Variants in ARHGAP42 observed in about 807,000 individuals in gnomAD.
ARHGAP42 encodes Rho GTPase activating protein 42, also known as rho GTPase-activating protein 42.
ARHGAP42 carries 63 observed loss-of-function variants against 125.0 expected under a neutral mutation model. That is an observed-to-expected ratio of 0.50 (90% confidence interval 0.41 to 0.62). The LOEUF is 0.62. Ranked by LOEUF, ARHGAP42 falls within the 20% of genes least tolerant of loss-of-function variation. The pLI is 0.00. For missense variants in ARHGAP42, 766 were observed against 1,024.2 expected (o/e 0.75, Z 3.44); for synonymous variants, 339 against 351.0 (o/e 0.97, Z 0.38).
intron 5 of ARHGAP42, among the ~76,000 whole-genome samples, chr11:100,918,869 G>C (rs1008749799): frequency 1.3e-5 from 2 of 152,020 alleles, no homozygotes; most frequent in Admixed American, 1.3e-4. Context: ...TTTTTGGAGG[G>C]GGGCAAGTGG....
intron 1 of ARHGAP42, among the ~76,000 whole-genome samples, chr11:100,749,072 C>T (rs527924301): frequency 6.6e-6 from 1 of 152,104 alleles, no homozygotes; most frequent in Non-Finnish European, 1.5e-5. Flanking sequence ...CTGCTGTTCT[C>T]CCCTCTCCTT....
chr11:100,723,715 A>C (rs1861805078), intron 1 of ARHGAP42, among the ~76,000 whole-genome samples: 2 of 152,114 alleles, frequency 1.3e-5, no homozygotes, highest in East Asian at 3.8e-4. Context: ...TGTAAACAAA[A>C]ACTTTTTTTT....
At position 100,897,717 on chromosome 11, in the gene ARHGAP42, T is replaced by C. The variant is rs1174381300; in HGVS notation, c.385-15735T>C. ...TATCCTGAGACTTTGCTGAAGTTGC[T>C]TATCAGCTTAAGGAGATTTGAGGCT... is the stretch of plus-strand genomic sequence containing the variant. On this transcript the variant is annotated intron_variant, in intron 4 of 23. Coordinates refer to ENST00000298815, the MANE Select transcript of ARHGAP42 (RefSeq NM_152432.4). Among the ~76,000 whole-genome samples, 4 of 152,348 alleles carry C rather than the reference T, an allele frequency of 2.6e-5. No individual in the cohort carries two copies. The South Asian group carries it at 6.2e-4, about 24-fold the overall frequency.
In ARHGAP42 at chr11:100,687,364, T is replaced by G. The variant is rs2120153263; in HGVS notation, c.-315T>G. 6.6e-6 allele frequency among the ~76,000 whole-genome samples: 1 copy of G among 152,146 alleles called. No individual in the cohort carries two copies. The highest frequency in any genetic ancestry group is 2.4e-5 in the African/African-American group (1 of 41,538). On this transcript the variant is annotated 5_prime_UTR_variant, in exon 1 of 24. Transcript: ENST00000298815. The stretch of plus-strand genomic sequence containing the variant: ...CTGCGCGCCGTGAGAGAAACTTTCC[T>G]GCTCCGGCCGCGGCCCGGAGCCTCG...
chr11:100,758,061 C>G (rs918759814), intron 1 of ARHGAP42, among the ~76,000 whole-genome samples: 3 of 152,192 alleles, frequency 2.0e-5, no homozygotes, highest in African/African-American at 7.2e-5. Context: ...TAAACACTTT[C>G]ATTTGATCAA....
chr11:100,948,536 G>T lies in ARHGAP42; in HGVS notation c.1122+1G>T, dbSNP rs2135281714. The T allele has an allele frequency of 1.9e-6, 3 of 1,546,958 alleles. No individual in the cohort carries two copies. The highest frequency in any genetic ancestry group is 2.6e-6 in the Non-Finnish European group (3 of 1,143,968). On this transcript the variant is annotated splice_donor_variant, in intron 11 of 23. Coordinates refer to ENST00000298815, the MANE Select transcript of ARHGAP42 (RefSeq NM_152432.4). LOFTEE classifies it high-confidence loss of function. ...TGAAGCCATGGATGGGAAGGAACCG[G>T]TAAGACTATGACACATTCTATAATT...
At chr11:100,726,160 G>A (rs541581495) in intron 1 of ARHGAP42, among the ~76,000 whole-genome samples, 1 of 151,640 alleles carries the variant, frequency 6.6e-6, no homozygotes, top group South Asian at 2.1e-4. Context: ...AGGTTGTAAT[G>A]TTATATTACA....
At chr11:100,919,797 C>A (rs935504615) in intron 5 of ARHGAP42, among the ~76,000 whole-genome samples, 31 of 152,152 alleles carry the variant, frequency 2.0e-4, no homozygotes, top group African/African-American at 7.5e-4. Flanking sequence ...CCCTTTCACC[C>A]AGTAGTGTGC....
chr11:100,775,283 C>A (rs762764864), intron 2 of ARHGAP42, among the ~76,000 whole-genome samples: 29 of 152,010 alleles, frequency 1.9e-4, no homozygotes, highest in Non-Finnish European at 3.2e-4. Context: ...GCTAGACACG[C>A]GGGGCTCAGA....
chr11:100,877,422 ATGTAAGTTTACTC>A (rs1380855050), intron 4 of ARHGAP42, among the ~76,000 whole-genome samples: 1 of 152,222 alleles, frequency 6.6e-6, no homozygotes, highest in Admixed American at 6.5e-5. Context: ...TTCTTTGCTC[ATGTAAGTTTACTC>A]TGTATATTAC....
intron 2 of ARHGAP42, among the ~76,000 whole-genome samples, chr11:100,790,327 T>C (rs1863535572): frequency 7.0e-6 from 1 of 142,382 alleles, no homozygotes; most frequent in African/African-American, 2.8e-5. Flanking sequence ...CTGTCATAAA[T>C]AGACTTCAGT....
intron 1 of ARHGAP42, among the ~76,000 whole-genome samples, chr11:100,718,894 G>C (rs1861710255): frequency 6.6e-6 from 1 of 152,150 alleles, no homozygotes; most frequent in Non-Finnish European, 1.5e-5. Context: ...TATTGCATTT[G>C]ATAGATTTCA....
At chr11:100,859,329 A>G in intron 3 of ARHGAP42, 1 of 409,814 alleles carries the variant, frequency 2.4e-6, no homozygotes. Flanking sequence ...CACAACAAGT[A>G]CTTATTTTCG....
At chr11:100,878,050 G>A (rs376418909) in intron 4 of ARHGAP42, among the ~76,000 whole-genome samples, 1 of 149,722 alleles carries the variant, frequency 6.7e-6, no homozygotes, top group Admixed American at 6.7e-5. Context: ...ATCCTCAAGT[G>A]TTGTGAGATT....
intron 3 of ARHGAP42, among the ~76,000 whole-genome samples, chr11:100,836,263 T>C (rs1864783816): frequency 6.6e-6 from 1 of 152,128 alleles, no homozygotes; most frequent in Non-Finnish European, 1.5e-5. Flanking sequence ...TAGTCTTCTA[T>C]GTGAATGGAA....
chr11:100,850,120 C>T (rs1865166796), intron 3 of ARHGAP42, among the ~76,000 whole-genome samples: 1 of 152,166 alleles, frequency 6.6e-6, no homozygotes, highest in Admixed American at 6.5e-5. Context: ...GACTTTTTAT[C>T]ACACACATAA....
intron 1 of ARHGAP42, among the ~76,000 whole-genome samples, chr11:100,731,552 A>T (rs569418414): frequency 6.6e-6 from 1 of 152,278 alleles, no homozygotes; most frequent in Non-Finnish European, 1.5e-5. Flanking sequence ...GCTTACCCAG[A>T]TATTGTCAAT....
At chr11:100,831,104 C>A (rs913150891) in intron 3 of ARHGAP42, among the ~76,000 whole-genome samples, 1 of 152,044 alleles carries the variant, frequency 6.6e-6, no homozygotes. Flanking sequence ...AATCCTGTTT[C>A]CACTATGTTC....
intron 1 of ARHGAP42, among the ~76,000 whole-genome samples, chr11:100,723,884 G>A (rs1286577420): frequency 2.0e-5 from 3 of 152,262 alleles, no homozygotes; most frequent in East Asian, 1.9e-4. Flanking sequence ...GACATTAGCT[G>A]TAGGTTTTTG....
Sources: allele counts gnomAD v4.1 joint callset (sites outside exome capture counted in the v4.1 genomes callset), GRCh38; gene constraint gnomAD v4.1.1; transcripts MANE v1.5; gene names NCBI Gene and HGNC (gene_info 2026-07-23, HGNC 2026-07-21).